AZIN2: variants seen among roughly 807,000 people sequenced by gnomAD.
AZIN2 encodes the protein ODC antizyme inhibitor-2.
Under a neutral mutation model 47.8 loss-of-function variants are expected in AZIN2, and 28 were observed. That is an observed-to-expected ratio of 0.59 (90% CI 0.43 to 0.80). AZIN2 has a LOEUF of 0.80. Among genes scored for constraint, AZIN2 ranks in the 30% least tolerant of loss-of-function variants. AZIN2 has a pLI of 0.00. For missense variants in AZIN2, 535 were observed against 582.5 expected, an observed-to-expected ratio of 0.92 and a Z score of 0.84; for synonymous variants, 221 against 239.4, an observed-to-expected ratio of 0.92 and a Z score of 0.71.
At chr1:33,092,545 G>C (rs961798355) in intron 6 of AZIN2, among the ~76,000 whole-genome samples, 6 of 152,222 alleles carry the variant, frequency 3.9e-5, no homozygotes, top group African/African-American at 1.2e-4. Flanking sequence ...TCACAGGCTT[G>C]AGAGAGTCGA....
Position 33,082,263 on chromosome 1 carries a change from T to A in AZIN2, c.14T>A (p.Leu5Gln), listed in dbSNP as rs202115846. 148 of 1,613,952 alleles carry A rather than the reference T, an allele frequency of 9.2e-5. No homozygotes were observed. Among genetic ancestry groups the A allele is most frequent in the Non-Finnish European group, 5.1e-6 (6 of 1,179,932 alleles). The change falls in exon 4 of 12, where the codon CTG becomes CAG. Residue 5 changes from leucine to glutamine, a missense_variant. By Grantham distance (113) the Leu-to-Gln change is moderately radical (BLOSUM62 -2). Around this residue, in one of 3 missense-constraint regions of AZIN2, gnomAD observed 409 missense variants for 429.0 expected, o/e 0.95. Coordinates refer to ENST00000294517, the MANE Select transcript of AZIN2 (RefSeq NM_052998.4). ...CTCCTGCAAGGCATGGCTGGCTACC[T>A]GAGTGAATCGGACTTTGTGATGGTG... MAGYLSESDFVMVEE... is the reference protein window; with the variant it reads MAGYQSESDFVMVEE...
chr1:33,100,048 G>A (rs545512473), intron 10 of AZIN2, among the ~76,000 whole-genome samples: 3 of 152,108 alleles, frequency 2.0e-5, no homozygotes, highest in African/African-American at 4.8e-5. Context: ...GAGGCCAGGC[G>A]TGGTGGCTCA....
chr1:33,148,236 C>T, the AZIN2 span, among the ~76,000 whole-genome samples: 1 of 152,144 alleles, frequency 6.6e-6, no homozygotes, highest in African/African-American at 2.4e-5. Context: ...TCCCCGACTC[C>T]CAGTGATTTT....
chr1:33,144,154 T>C, the AZIN2 span, among the ~76,000 whole-genome samples: 1 of 121,116 alleles, frequency 8.3e-6, no homozygotes, highest in Non-Finnish European at 1.8e-5. Flanking sequence ...TTTTTTTTTT[T>C]TGAGACGGAG....
chr1:33,093,735 T>C lies in AZIN2; in HGVS notation c.587+319T>C, dbSNP rs557841000. Among the ~76,000 whole-genome samples the C allele has an allele frequency of 1.6e-3, 239 of 149,162 alleles. 1 individual carries two copies. Among genetic ancestry groups the C allele is most frequent in the African/African-American group, 5.0e-3 (204 of 40,524 alleles). On this transcript the variant is annotated intron_variant, in intron 7 of 11. Transcript: ENST00000294517. The stretch of plus-strand genomic sequence containing the variant: ...CCTCTTTTCTTTTCTTTCTTTCTTT[T>C]TTTTTTTTTTTTTGAGATAGGGTCT...
intron 5 of AZIN2, among the ~76,000 whole-genome samples, chr1:33,087,540 G>A (rs193105063): frequency 6.6e-6 from 1 of 151,814 alleles, no homozygotes; most frequent in Non-Finnish European, 1.5e-5. Flanking sequence ...AGGTTCAAGC[G>A]ATTCTCCTGC....
At chr1:33,166,327 A>ACCCAAC in the AZIN2 span, 4 of 151,466 alleles carry the variant, frequency 2.6e-5, no homozygotes, top group Non-Finnish European at 4.4e-5. Context: ...TGAAACCATC[A>ACCCAAC]CCCCACCCCC....
At chr1:33,131,690 T>C in the AZIN2 span, among the ~76,000 whole-genome samples, 12 of 152,098 alleles carry the variant, frequency 7.9e-5, no homozygotes, top group Admixed American at 2.0e-4. Context: ...GTGAAATTAA[T>C]TTAAATAATA....
the AZIN2 span, among the ~76,000 whole-genome samples, chr1:33,155,063 A>G: frequency 7.2e-6 from 1 of 139,202 alleles, no homozygotes; most frequent in African/African-American, 2.6e-5. Context: ...ACTGCACTCC[A>G]GCCTGGGCGA....
the AZIN2 span, chr1:33,158,351 T>A: frequency 1.7e-5 from 27 of 1,613,536 alleles, no homozygotes; most frequent in Non-Finnish European, 1.9e-5. Flanking sequence ...GTTGGTCTCA[T>A]GGATTTTTCC....
rs59224208 is a variant in AZIN2, at chr1:33,104,262, A to G, written c.1029+6083A>G. ...TATTGTTTTATTTATTTTGATGTCA[A>G]TGTCTTTTTATATCCTCTGTTCACT... On this transcript the variant is annotated intron_variant, in intron 10 of 11. Coordinates refer to ENST00000294517, the MANE Select transcript of AZIN2 (RefSeq NM_052998.4). Among the ~76,000 whole-genome samples, 1,088 of 152,244 alleles carry G rather than the reference A, an allele frequency of 7.1e-3. 13 individuals carry two copies. Among genetic ancestry groups the G allele is most frequent in the African/African-American group, 0.024 (1,002 of 41,546 alleles).
At chr1:33,128,213 A>G (rs937448769), downstream of AZIN2, among the ~76,000 whole-genome samples, 1 of 151,204 alleles carries the variant, frequency 6.6e-6, no homozygotes, top group Admixed American at 6.6e-5. Context: ...CAAAAAAAAA[A>G]AAAAAAAAAA....
At chr1:33,100,027 A>G (rs1557696738) in intron 10 of AZIN2, among the ~76,000 whole-genome samples, 1 of 152,084 alleles carries the variant, frequency 6.6e-6, no homozygotes, top group Non-Finnish European at 1.5e-5. Context: ...CCTGGGTATA[A>G]AAAGTTGTAT....
intron 10 of AZIN2, chr1:33,102,003 C>T: frequency 3.0e-6 from 2 of 672,862 alleles, no homozygotes; most frequent in Non-Finnish European, 5.6e-6. Context: ...ATTCTTGTTT[C>T]CCTCTCTCTG....
chr1:33,089,580 C>T (rs954660212), intron 5 of AZIN2, among the ~76,000 whole-genome samples: 15 of 152,172 alleles, frequency 9.9e-5, no homozygotes, highest in Non-Finnish European at 1.3e-4. Context: ...CACTCAGATT[C>T]GGGGTAGGCC....
At chr1:33,097,382 T>C (rs1417536786) in intron 9 of AZIN2, among the ~76,000 whole-genome samples, 27 of 152,062 alleles carry the variant, frequency 1.8e-4, no homozygotes, top group Admixed American at 1.7e-3. Flanking sequence ...TAAGGGGCAG[T>C]GTGGGGATTC....
At chr1:33,137,108 A>G in the AZIN2 span, among the ~76,000 whole-genome samples, 3 of 152,078 alleles carry the variant, frequency 2.0e-5, no homozygotes, top group South Asian at 2.1e-4. Context: ...TGAACTTGCT[A>G]TGTGACCCTG....
chr1:33,132,011 G>A, the AZIN2 span, among the ~76,000 whole-genome samples: 1 of 152,168 alleles, frequency 6.6e-6, no homozygotes, highest in Non-Finnish European at 1.5e-5. Flanking sequence ...CAGGCTCGAG[G>A]GGCCTTCGCA....
the AZIN2 span, among the ~76,000 whole-genome samples, chr1:33,133,129 CTTACAG>C: frequency 3.3e-5 from 5 of 152,266 alleles, no homozygotes; most frequent in South Asian, 2.1e-4. Flanking sequence ...CCCATAGTCA[CTTACAG>C]TTACAGTTAC....
Sources: allele counts gnomAD v4.1 joint callset (sites outside exome capture counted in the v4.1 genomes callset), GRCh38; gene constraint gnomAD v4.1.1; regional missense constraint gnomAD v4.1.1; transcripts MANE v1.5; gene names NCBI Gene and HGNC (gene_info 2026-07-23, HGNC 2026-07-21).